Variants in RBFOX1 observed in about 807,000 individuals in gnomAD.
RBFOX1 encodes the protein RNA binding fox-1 homolog 1, also known as RNA binding protein fox-1 homolog 1.
In RBFOX1, 8 loss-of-function variants were observed where a neutral mutation model predicts 57.7. The ratio of observed to expected loss-of-function variants is 0.14; its 90% CI spans 0.08 to 0.25. RBFOX1 has a LOEUF of 0.25. Among genes scored for constraint, RBFOX1 ranks in the 10% least tolerant of loss-of-function variants. RBFOX1 has a pLI of 1.00. For missense variants in RBFOX1, 611 were observed against 548.5 expected (o/e 1.11, Z -1.14); for synonymous variants, 326 against 222.4 (o/e 1.47, Z -4.15).
At chr16:6,347,920 C>G (rs934360720) in intron 2 of RBFOX1, among the ~76,000 whole-genome samples, 1 of 152,202 alleles carries the variant, frequency 6.6e-6, no homozygotes, top group Admixed American at 6.5e-5. Context: ...CATACAGAAA[C>G]TGGTGAGAAG....
At chr16:6,577,192 C>T (rs1222797064) in intron 2 of RBFOX1, 4 of 152,122 alleles carry the variant, frequency 2.6e-5, no homozygotes, top group African/African-American at 9.7e-5. Context: ...AGGAAGCTCC[C>T]CACTCTTCCC....
chr16:7,549,965 T>C (rs2085824265), intron 5 of RBFOX1, among the ~76,000 whole-genome samples: 1 of 152,182 alleles, frequency 6.6e-6, no homozygotes, highest in African/African-American at 2.4e-5. Flanking sequence ...GGTTTTACTC[T>C]GTCACTTAGG....
chr16:6,485,065 G>C (rs925930482), intron 2 of RBFOX1, among the ~76,000 whole-genome samples: 1 of 152,160 alleles, frequency 6.6e-6, no homozygotes, highest in Admixed American at 6.5e-5. Flanking sequence ...TTGTGGCATG[G>C]AGTAACTTGC....
chr16:5,254,131 A>G (rs1286080353), intron 1 of RBFOX1, among the ~76,000 whole-genome samples: 1 of 152,176 alleles, frequency 6.6e-6, no homozygotes, highest in Admixed American at 6.5e-5. Flanking sequence ...CTAGAATTTG[A>G]TTAATAAAAG....
At chr16:7,006,520 G>A (rs1477168825) in intron 3 of RBFOX1, among the ~76,000 whole-genome samples, 1 of 152,068 alleles carries the variant, frequency 6.6e-6, no homozygotes, top group Non-Finnish European at 1.5e-5. Flanking sequence ...TATGATCACA[G>A]CTCACTGTAG....
At chr16:5,994,658 C>G (rs982809367) in intron 4 of RBFOX1, among the ~76,000 whole-genome samples, 1 of 152,176 alleles carries the variant, frequency 6.6e-6, no homozygotes, top group Non-Finnish European at 1.5e-5. Context: ...AAAACAGTCA[C>G]AGATAATATG....
At chr16:7,540,152 A>T (rs552373820) in intron 5 of RBFOX1, among the ~76,000 whole-genome samples, 108 of 152,130 alleles carry the variant, frequency 7.1e-4, no homozygotes, top group African/African-American at 2.5e-3. Flanking sequence ...TCAAAGGCTC[A>T]CTCTGCTACT....
chr16:6,232,295 A>T (rs1439685459), intron 1 of RBFOX1, among the ~76,000 whole-genome samples: 2 of 152,214 alleles, frequency 1.3e-5, no homozygotes, highest in Admixed American at 6.5e-5. Flanking sequence ...GTCACTGAGC[A>T]GAATGCTTAA....
chr16:7,619,344 T>C (rs2058950345), intron 10 of RBFOX1, among the ~76,000 whole-genome samples: 1 of 152,200 alleles, frequency 6.6e-6, no homozygotes, highest in African/African-American at 2.4e-5. Context: ...ATATTATGTT[T>C]GTTTTTAGCC....
At chr16:7,312,021 T>C (rs994686320) in intron 4 of RBFOX1, among the ~76,000 whole-genome samples, 3 of 152,206 alleles carry the variant, frequency 2.0e-5, no homozygotes, top group Admixed American at 2.0e-4. Flanking sequence ...TTAAGTAAGA[T>C]GCAAATGGGA....
intron 3 of RBFOX1, among the ~76,000 whole-genome samples, chr16:7,001,094 G>T (rs1035786990): frequency 1.3e-5 from 2 of 152,158 alleles, no homozygotes; most frequent in Non-Finnish European, 2.9e-5. Flanking sequence ...TAGAGTTCAT[G>T]TGAGAAAAAT....
intron 3 of RBFOX1, among the ~76,000 whole-genome samples, chr16:6,670,715 T>C (rs762589781): frequency 5.3e-5 from 8 of 152,076 alleles, no homozygotes; most frequent in East Asian, 1.9e-4. Flanking sequence ...GGTTTCCTTA[T>C]GGCCGGGCAC....
intron 3 of RBFOX1, among the ~76,000 whole-genome samples, chr16:5,856,151 TTCTCTCTCTCTCTCTC>T (rs35841072): frequency 7.4e-5 from 3 of 40,424 alleles, no homozygotes; most frequent in East Asian, 7.4e-4. Flanking sequence ...GTCTTTATGG[TTCTCTCTCTCTCTCTC>T]TCTCTCTCTC....
intron 3 of RBFOX1, among the ~76,000 whole-genome samples, chr16:5,702,446 G>T (rs928700638): frequency 6.6e-6 from 1 of 152,170 alleles, no homozygotes; most frequent in Non-Finnish European, 1.5e-5. Context: ...TTGAGTGGGG[G>T]CACAAATCCA....
intron 14 of RBFOX1, among the ~76,000 whole-genome samples, chr16:7,682,173 A>G (rs1272470694): frequency 1.3e-5 from 2 of 152,146 alleles, no homozygotes; most frequent in African/African-American, 2.4e-5. Flanking sequence ...TAGACATCCA[A>G]TTTTGTTTTT....
chr16:7,502,842 G>A (rs2071428659), intron 4 of RBFOX1, among the ~76,000 whole-genome samples: 1 of 152,098 alleles, frequency 6.6e-6, no homozygotes, highest in Non-Finnish European at 1.5e-5. Context: ...GGCCAACATG[G>A]TGAAACTCCC....
At chr16:7,670,334 C>T (rs1363896120) in intron 13 of RBFOX1, among the ~76,000 whole-genome samples, 1 of 152,108 alleles carries the variant, frequency 6.6e-6, no homozygotes, top group Non-Finnish European at 1.5e-5. Flanking sequence ...GTGTGGCCAA[C>T]AGGAAACTTT....
At chr16:5,477,135 C>T (rs896500997) in intron 2 of RBFOX1, among the ~76,000 whole-genome samples, 4 of 152,204 alleles carry the variant, frequency 2.6e-5, no homozygotes, top group African/African-American at 9.6e-5. Context: ...CCACCTTAGC[C>T]TCCTGAGTAG....
chr16:7,700,233 T>G (rs2080221857), intron 14 of RBFOX1, among the ~76,000 whole-genome samples: 2 of 152,134 alleles, frequency 1.3e-5, no homozygotes, highest in Non-Finnish European at 2.9e-5. Flanking sequence ...CGAGAGGCAA[T>G]AGCTGCAGTC....
Sources: gnomAD v4.1 joint callset for allele counts (sites outside exome capture counted in the v4.1 genomes callset) on GRCh38, gnomAD v4.1.1 for gene constraint, MANE v1.5 for transcripts, NCBI Gene and HGNC (gene_info 2026-07-23, HGNC 2026-07-21) for gene names.